The following THSD7A variants were observed in gnomAD, a reference collection of about 807,000 sequenced individuals.
The protein encoded by THSD7A is thrombospondin type-1 domain-containing protein 7A.
THSD7A carries 96 observed loss-of-function variants against 231.3 expected under a neutral mutation model. The observed-to-expected ratio is 0.41, with a 90% CI of 0.35 to 0.49. THSD7A has a LOEUF of 0.49. Ranked by LOEUF, THSD7A falls within the 20% of genes least tolerant of loss-of-function variation. The probability of loss-of-function intolerance (pLI) is 0.05; values close to 1 mark genes in which losing one functional copy is unlikely to be tolerated. For synonymous variants in THSD7A, 940 were observed against 743.3 expected (o/e 1.26, Z -4.30); for missense variants, 2,290 against 2,070.2 (o/e 1.11, Z -2.06).
intron 1 of THSD7A, among the ~76,000 whole-genome samples, chr7:11,639,189 G>C (rs1459120884): frequency 2.0e-5 from 3 of 152,050 alleles, no homozygotes; most frequent in Non-Finnish European, 4.4e-5. Flanking sequence ...TAATTTAGTT[G>C]AACTTCCTGA....
At chr7:11,719,708 C>A (rs1391020605) in intron 1 of THSD7A, among the ~76,000 whole-genome samples, 1 of 151,636 alleles carries the variant, frequency 6.6e-6, no homozygotes, top group African/African-American at 2.4e-5. Context: ...ATAATAAAAT[C>A]TTTAACTTCA....
Position 11,637,020 on chromosome 7 carries a change from G to T in THSD7A, c.191-59C>A. ...TACTAGAAGAAAACTACAAGTTACT[G>T]CACATTCCAGAAAGACCTTTCAAGA... On this transcript the variant is annotated intron_variant, in intron 1 of 27. Coordinates refer to ENST00000423059, the MANE Select transcript of THSD7A (RefSeq NM_015204.3). The surrounding 1 kb of genome is among the most constrained non-coding windows in gnomAD (Gnocchi z 4.2). 1 of 1,476,754 alleles carries T rather than the reference G, an allele frequency of 6.8e-7. No homozygotes were observed. Among genetic ancestry groups the T allele is most frequent in the Non-Finnish European group, 9.1e-7 (1 of 1,096,038 alleles). The allele number at this position is 1,476,754 out of a possible 1,614,324, so 91.5% of individuals were successfully genotyped here.
intron 1 of THSD7A, among the ~76,000 whole-genome samples, chr7:11,684,724 T>C (rs989221933): frequency 7.3e-5 from 11 of 151,606 alleles, no homozygotes; most frequent in Admixed American, 4.0e-4. Context: ...CTGAAACAAA[T>C]AGATGACATA....
In THSD7A at chr7:11,498,798, TCA is replaced by T. The variant is rs1383230534; in HGVS notation, c.1823-16818_1823-16817del. 2.0e-5 allele frequency among the ~76,000 whole-genome samples: 3 copies of T among 152,184 alleles called. No individual in the cohort carries two copies. In the East Asian group the frequency reaches 5.8e-4, roughly 29 times the overall value. The stretch of plus-strand genomic sequence containing the variant: ...GAGAGAGGATGCCATCTTTGCTGTT[TCA>T]CAGTCTTCACTGGTGATACCTCCAG... On this transcript the variant is annotated intron_variant, in intron 6 of 27. Transcript: ENST00000423059.
At chr7:11,702,439 T>C (rs751137735) in intron 1 of THSD7A, among the ~76,000 whole-genome samples, 1 of 151,246 alleles carries the variant, frequency 6.6e-6, no homozygotes, top group East Asian at 2.0e-4. Context: ...TTCCTCCATG[T>C]CAAGCCAGGA....
rs77673791 is a variant in THSD7A, at chr7:11,647,980, G to T, written c.191-11019C>A. Reference sequence around the variant, plus strand: ...CTAGATACTCAATTCTGCCTCTAATGCAGATGCTGCCTGATGGGCATTAAC... The same window carrying T: ...CTAGATACTCAATTCTGCCTCTAATTCAGATGCTGCCTGATGGGCATTAAC... On this transcript the variant is annotated intron_variant, in intron 1 of 27. Transcript: ENST00000423059. Among the ~76,000 whole-genome samples the T allele has an allele frequency of 7.2e-5, 11 of 152,168 alleles. No homozygotes were observed. The East Asian group carries it at 1.9e-3, about 27-fold the overall frequency.
At chr7:11,797,998 C>A (rs916641416) in intron 1 of THSD7A, among the ~76,000 whole-genome samples, 1 of 151,924 alleles carries the variant, frequency 6.6e-6, no homozygotes, top group Non-Finnish European at 1.5e-5. Flanking sequence ...TTTAAAAAAT[C>A]TGAAATATAG....
chr7:11,498,273 G>C (rs1040721091), intron 6 of THSD7A, among the ~76,000 whole-genome samples: 1 of 152,212 alleles, frequency 6.6e-6, no homozygotes, highest in African/African-American at 2.4e-5. Flanking sequence ...TGCCATCTTT[G>C]CTGTTTGGGT....
At chr7:11,465,234 T>C in intron 9 of THSD7A, among the ~76,000 whole-genome samples, 1 of 152,190 alleles carries the variant, frequency 6.6e-6, no homozygotes, top group Admixed American at 6.5e-5. Context: ...TCTATTTCTT[T>C]CCACTTATTC....
chr7:11,715,376 C>G (rs1781101543), intron 1 of THSD7A, among the ~76,000 whole-genome samples: 2 of 151,342 alleles, frequency 1.3e-5, no homozygotes, highest in South Asian at 4.1e-4. Flanking sequence ...AATAGCAATT[C>G]TAAAATATGC....
At chr7:11,608,719 C>A (rs1405794787) in intron 2 of THSD7A, among the ~76,000 whole-genome samples, 1 of 152,146 alleles carries the variant, frequency 6.6e-6, no homozygotes, top group East Asian at 1.9e-4. Flanking sequence ...TCTCTGGTCT[C>A]CTCTTTTTTT....
chr7:11,566,472 C>A (rs1354176537), intron 4 of THSD7A, among the ~76,000 whole-genome samples: 1 of 152,040 alleles, frequency 6.6e-6, no homozygotes, highest in African/African-American at 2.4e-5. Context: ...TTTAGATCAC[C>A]CTTTGAGGAA....
At chr7:11,728,945 A>G (rs1014217718) in intron 1 of THSD7A, among the ~76,000 whole-genome samples, 2 of 151,862 alleles carry the variant, frequency 1.3e-5, no homozygotes, top group Non-Finnish European at 2.9e-5. Context: ...CCTAAAGTAA[A>G]TAATATTTTG....
intron 1 of THSD7A, among the ~76,000 whole-genome samples, chr7:11,713,994 G>A (rs551271159): frequency 6.6e-5 from 10 of 151,236 alleles, no homozygotes; most frequent in South Asian, 2.1e-4. Context: ...ATCAGAGTGC[G>A]TCATATACAA....
chr7:11,518,133 T>G (rs16876857), intron 6 of THSD7A, among the ~76,000 whole-genome samples: 5,145 of 152,220 alleles, frequency 0.034, 292 homozygotes, highest in African/African-American at 0.12. Flanking sequence ...TAGTAGGTAT[T>G]TAAAAAATGT....
intron 1 of THSD7A, among the ~76,000 whole-genome samples, chr7:11,642,974 C>T (rs920814888): frequency 1.3e-5 from 2 of 151,944 alleles, no homozygotes; most frequent in Admixed American, 1.3e-4. Context: ...GGCATGAGAA[C>T]AATAAAAGGT....
chr7:11,473,487 T>C (rs1389187814), intron 8 of THSD7A, among the ~76,000 whole-genome samples: 2 of 152,130 alleles, frequency 1.3e-5, no homozygotes, highest in Non-Finnish European at 2.9e-5. Context: ...TTTAAACCCA[T>C]GCAAAAATCG....
chr7:11,542,852 C>T, intron 5 of THSD7A, 110 bp downstream of exon 5: 3 of 1,208,704 alleles, frequency 2.5e-6, no homozygotes, highest in East Asian at 2.5e-5. Flanking sequence ...TAGTCTTTAG[C>T]CATTCTGGAA....
Position 11,590,514 on chromosome 7 carries a change from C to G in THSD7A, c.1399G>C (p.Val467Leu). Reference protein sequence around the residue: ...GGIQTREVYCVQANENLLSQL... With the variant: ...GGIQTREVYCLQANENLLSQL... ...GAGAGGAGGTTTTCGTTGGCCTGCA[C>G]GCAGTACACCTCTCGGGTCTGGATG... The change falls in exon 4 of 28, where the codon GTG becomes CTG. Residue 467 changes from valine to leucine, a missense_variant. Val to Leu is a conservative substitution (Grantham distance 32). Transcript: ENST00000423059. This position sits in a 1 kb window ranked among gnomAD's most constrained non-coding sequence, Gnocchi z 4.4. 6.2e-7 allele frequency: 1 copy of G among 1,613,798 alleles called. No individual in the cohort carries two copies. Among genetic ancestry groups the G allele is most frequent in the Non-Finnish European group, 8.5e-7 (1 of 1,179,788 alleles).
Sources: allele counts gnomAD v4.1 joint callset (sites outside exome capture counted in the v4.1 genomes callset), GRCh38; gene constraint gnomAD v4.1.1; non-coding constraint Gnocchi (gnomAD v3.1); transcripts MANE v1.5; gene names NCBI Gene and HGNC (gene_info 2026-07-23, HGNC 2026-07-21).